The following CCDC154 variants were observed in gnomAD, a reference collection of about 807,000 sequenced individuals.
CCDC154 encodes coiled-coil domain containing 154.
In CCDC154, 91 loss-of-function variants were observed where a neutral mutation model predicts 87.5. The ratio of observed to expected loss-of-function variants is 1.04; its 90% CI spans 0.88 to 1.24. The LOEUF (loss-of-function observed/expected upper bound fraction) is 1.24. Among genes scored for constraint, CCDC154 ranks in the 50% most tolerant of loss-of-function variants. The pLI is 0.00. For missense variants in CCDC154, 903 were observed against 879.2 expected (o/e 1.03, Z -0.34); for synonymous variants, 418 against 400.4 (o/e 1.04, Z -0.52).
Position 1,434,651 on chromosome 16 carries a change from G to A in CCDC154, c.1877+17C>T. 1 of 1,543,426 alleles carries A rather than the reference G, an allele frequency of 6.5e-7. No homozygotes were observed. The highest frequency in any genetic ancestry group is 2.4e-5 in the East Asian group (1 of 40,882). ...CCCAAAGGCCCAGGAGGCCGCGCCG[G>A]GATCCCTGCTGCCCACCTCACAGCC... is the stretch of plus-strand genomic sequence containing the variant. On this transcript the variant is annotated intron_variant, in intron 16 of 16. Coordinates refer to ENST00000389176, the MANE Select transcript of CCDC154 (RefSeq NM_001143980.3).
chr16:1,441,579 C>T (rs1468293233), intron 6 of CCDC154, among the ~76,000 whole-genome samples: 2 of 152,172 alleles, frequency 1.3e-5, no homozygotes, highest in African/African-American at 4.8e-5. Flanking sequence ...GAACTCGTGT[C>T]CTCGAGGAAG....
rs771519321 is a variant in CCDC154, at chr16:1,435,185, G to A, written c.1606-10C>T. On this transcript the variant is annotated splice_polypyrimidine_tract_variant and intron_variant, in intron 14 of 16. Coordinates refer to ENST00000389176, the MANE Select transcript of CCDC154 (RefSeq NM_001143980.3). ...TTATTTGGTTCTGAAACTAAACATG[G>A]CCCCCATTTGGGCACAGACAGGGCC... 2 of 1,550,180 alleles carry A rather than the reference G, an allele frequency of 1.3e-6. No individual in the cohort carries two copies. Among genetic ancestry groups the A allele is most frequent in the South Asian group, 2.4e-5 (2 of 84,054 alleles).
At chr16:1,435,030 G>A (rs1050801108) in intron 15 of CCDC154, 59 bp downstream of exon 15, 123 of 1,501,248 alleles carry the variant, frequency 8.2e-5, no homozygotes, top group East Asian at 4.4e-4. Flanking sequence ...GCGGGGAGGC[G>A]GCAGGGCTGA....
At chr16:1,442,736 T>C in intron 5 of CCDC154, 144 bp downstream of exon 5, 1 of 1,031,020 alleles carries the variant, frequency 9.7e-7, no homozygotes, top group African/African-American at 1.6e-5. Context: ...GGGCCCAGGC[T>C]TCCCAGCACG....
Position 1,437,820 on chromosome 16 carries a change from G to A in CCDC154, c.1287C>T (p.Ser429=), listed in dbSNP as rs1014393538. 54 of 1,529,640 alleles carry A rather than the reference G, an allele frequency of 3.5e-5. No homozygotes were observed. The highest frequency in any genetic ancestry group is 1.9e-4 in the African/African-American group (14 of 72,944). 94.8% of individuals were successfully genotyped at this position (1,529,640 alleles called of 1,614,324 possible). The change falls in exon 11 of 17, where the codon TCC becomes TCT. Residue 429 remains serine (S), a synonymous_variant. Transcript: ENST00000389176. The part of the protein sequence containing the change: ...LQEQMLGLRL[S]EAKTEWEGAE... ...CCCCGCCCGCTGCCTGGCGCACCTC[G>A]GACAGCCTGAGGCCCAGCATCTGCT...
rs1389662695 is a variant in CCDC154 at position 1,444,298 on chromosome 16, C to A, written c.7+18G>T. 5 of 1,302,162 alleles carry A rather than the reference C, an allele frequency of 3.8e-6. No homozygotes were observed. The South Asian group carries it at 4.9e-5, about 13-fold the overall frequency. 80.7% of individuals were successfully genotyped at this position (1,302,162 alleles called of 1,614,324 possible). On this transcript the variant is annotated intron_variant, in intron 1 of 16. Coordinates refer to ENST00000389176, the MANE Select transcript of CCDC154 (RefSeq NM_001143980.3). Reference sequence around the variant, plus strand: ...GTGGCAAGCCCCTCCCTGGGCCCCGCTCCTCCGCTCTGGTCACCTGACATG... The same window carrying A: ...GTGGCAAGCCCCTCCCTGGGCCCCGATCCTCCGCTCTGGTCACCTGACATG...
chr16:1,443,023 C>A lies in CCDC154; in HGVS notation c.456-48G>T. On this transcript the variant is annotated intron_variant, in intron 4 of 16. Transcript: ENST00000389176. The stretch of plus-strand genomic sequence containing the variant: ...CGAGAGGCCCAGGCGGGCTGAGCAG[C>A]CTCGGCGGGCTGGGGGTCTGGCCAA... 3 of 1,544,970 alleles carry A rather than the reference C, an allele frequency of 1.9e-6. No homozygotes were observed. In the South Asian group the frequency reaches 3.6e-5, roughly 18 times the overall value.
chr16:1,441,915 TG>T (rs1261262866), intron 6 of CCDC154, among the ~76,000 whole-genome samples: 9 of 115,650 alleles, frequency 7.8e-5, no homozygotes, highest in African/African-American at 2.5e-4. Context: ...CCTGAGCTTT[TG>T]TTTTTTTGTT....
At chr16:1,435,499 G>A (rs1040271072) in intron 14 of CCDC154, among the ~76,000 whole-genome samples, 3 of 147,186 alleles carry the variant, frequency 2.0e-5, no homozygotes, top group African/African-American at 8.0e-5. Flanking sequence ...GTGGCCCAGG[G>A]ACAGCTGTTT....
rs1487744414 is a variant in CCDC154, at chr16:1,442,860, C to T, written c.551+20G>A. ...ACCCCACGCAAGCTCCGGAGCCAGC[C>T]ACGGGCGGTGGGCGCCCACCTGAGG... On this transcript the variant is annotated intron_variant, in intron 5 of 16. Coordinates refer to ENST00000389176, the MANE Select transcript of CCDC154 (RefSeq NM_001143980.3). 6.5e-7 allele frequency: 1 copy of T among 1,544,826 alleles called. No homozygotes were observed. The highest frequency in any genetic ancestry group is 2.0e-5 in the Admixed American group (1 of 50,900).
At chr16:1,436,923 C>T in intron 11 of CCDC154, 112 bp from the exon 12 acceptor site, 2 of 1,422,560 alleles carry the variant, frequency 1.4e-6, no homozygotes, top group Non-Finnish European at 1.9e-6. Context: ...CCACTTCCAG[C>T]TCTGAGACAT....
chr16:1,442,487 G>A lies in CCDC154; in HGVS notation c.594C>T (p.Gly198=). 1.9e-6 allele frequency: 3 copies of A among 1,549,570 alleles called. No individual in the cohort carries two copies. Among genetic ancestry groups the A allele is most frequent in the Non-Finnish European group, 2.6e-6 (3 of 1,146,618 alleles). ...LTDLLQQEEQ[G]REVACGALQK... ...GCAGGGCGCCGCAGGCCACCTCCCG[G>A]CCCTGCTCCTCCTGCTGCAGCAAGT... The change falls in exon 6 of 17, where the codon GGC becomes GGT. Residue 198 remains glycine (G), a synonymous_variant. Transcript: ENST00000389176.
intron 14 of CCDC154, chr16:1,435,386 G>A: frequency 1.7e-6 from 1 of 597,608 alleles, no homozygotes; most frequent in South Asian, 2.0e-5. Context: ...CCTGGCCAGG[G>A]CTCAGGGTTG....
At chr16:1,436,934 T>C in intron 11 of CCDC154, 123 bp from the exon 12 acceptor site, 1 of 1,328,322 alleles carries the variant, frequency 7.5e-7, no homozygotes, top group Non-Finnish European at 1.0e-6. Context: ...TCTGAGACAT[T>C]TGTGCACAGG....
intron 15 of CCDC154, 66 bp from the exon 16 acceptor site, chr16:1,434,918 G>A: frequency 6.9e-7 from 1 of 1,449,192 alleles, no homozygotes; most frequent in Non-Finnish European, 9.1e-7. Context: ...GCAAACGGGG[G>A]CTTATCTCCC....
In CCDC154 at chr16:1,443,826, G is replaced by A. The variant is rs774625590; in HGVS notation, c.194C>T (p.Thr65Ile). ...TSTASVPEQD[T>I]AKHWNQLEQW... ...CTCCAGCTGGTTCCAGTGCTTGGCG[G>A]TGTCCTGCTCGGGGACAGAGGCCGT... The change falls in exon 2 of 17, where the codon ACC (threonine) becomes ATC (isoleucine). Residue 65 changes from threonine (T) to isoleucine (I), a missense_variant. Thr to Ile is a moderately conservative substitution (Grantham distance 89). Coordinates refer to ENST00000389176, the MANE Select transcript of CCDC154 (RefSeq NM_001143980.3). 3 of 1,304,590 alleles carry A rather than the reference G, an allele frequency of 2.3e-6. No individual in the cohort carries two copies. Among genetic ancestry groups the A allele is most frequent in the Non-Finnish European group, 3.0e-6 (3 of 989,248 alleles). The allele number at this position is 1,304,590 out of a possible 1,614,324, so 80.8% of individuals were successfully genotyped here.
intron 13 of CCDC154, 28 bp downstream of exon 13, chr16:1,436,417 C>A: frequency 1.3e-6 from 2 of 1,524,282 alleles, no homozygotes; most frequent in Non-Finnish European, 1.8e-6. Context: ...AGAGCCCCTG[C>A]CCCTCTCCCA....
chr16:1,444,282 C>A lies in CCDC154; in HGVS notation c.7+34G>T, dbSNP rs79854713. ...CCCCACCCTCACACCTGTGGCAAGC[C>A]CCTCCCTGGGCCCCGCTCCTCCGCT... On this transcript the variant is annotated intron_variant, in intron 1 of 16. Coordinates refer to ENST00000389176, the MANE Select transcript of CCDC154 (RefSeq NM_001143980.3). 2.9e-3 allele frequency: 3,767 copies of A among 1,301,050 alleles called. 100 individuals carry two copies. The African/African-American group carries it at 0.051, about 18-fold the overall frequency. 80.6% of individuals were successfully genotyped at this position (1,301,050 alleles called of 1,614,324 possible).
chr16:1,438,551 G>T, intron 9 of CCDC154, 68 bp downstream of exon 9: 1 of 1,391,834 alleles, frequency 7.2e-7, no homozygotes, highest in South Asian at 1.3e-5. Flanking sequence ...CGGCCACTGC[G>T]GCCCCCTCCT....
Sources: allele counts gnomAD v4.1 joint callset (sites outside exome capture counted in the v4.1 genomes callset), GRCh38; gene constraint gnomAD v4.1.1; transcripts MANE v1.5; gene names NCBI Gene and HGNC (gene_info 2026-07-23, HGNC 2026-07-21).